Variants in PRRC2C observed in about 807,000 individuals in gnomAD.
The protein encoded by PRRC2C is protein PRRC2C.
In PRRC2C, 72 loss-of-function variants were observed where a neutral mutation model predicts 317.2. The ratio of observed to expected loss-of-function variants is 0.23; its 90% CI spans 0.19 to 0.28. The LOEUF (loss-of-function observed/expected upper bound fraction) is 0.28, where lower values mean the gene tolerates loss of function less well. Among genes scored for constraint, PRRC2C ranks in the 10% least tolerant of loss-of-function variants. The pLI is 1.00. For missense variants in PRRC2C, 3,074 were observed against 3,459.7 expected (o/e 0.89, Z 2.80); for synonymous variants, 1,296 against 1,205.9 (o/e 1.07, Z -1.55).
intron 20 of PRRC2C, among the ~76,000 whole-genome samples, chr1:171,562,942 C>T (rs571540213): frequency 6.6e-6 from 1 of 152,140 alleles, no homozygotes; most frequent in African/African-American, 2.4e-5. Flanking sequence ...ATTAGAGAAG[C>T]TAAGTGATTA....
At position 171,541,900 on chromosome 1, in the gene PRRC2C, C is replaced by T. The variant is rs1687064; in HGVS notation, c.4434C>T (p.Ser1478=). 7 of 1,613,672 alleles carry T rather than the reference C, an allele frequency of 4.3e-6. No homozygotes were observed. Among genetic ancestry groups the T allele is most frequent in the Non-Finnish European group, 5.9e-6 (7 of 1,179,856 alleles). The change falls in exon 16 of 35, where the codon TCC becomes TCT. Residue 1478 remains serine (S), a synonymous_variant. Transcript: ENST00000647382. This position sits in a 1 kb window ranked among gnomAD's most constrained non-coding sequence, Gnocchi z 4.1. ...QEPVNTLGDI[S]GNKTPDLSNQ... is the part of the protein sequence containing the mutation. ...CAGTTAATACTCTTGGGGATATTTC[C>T]GGGAATAAGACACCAGATTTATCTA...
At position 171,586,962 on chromosome 1, in the gene PRRC2C, CAG is replaced by C. The variant is rs781385422; in HGVS notation, c.7750-39_7750-38del. On this transcript the variant is annotated intron_variant, in intron 30 of 34. Transcript: ENST00000647382. ...GTTGTATGGATATGTCTGTAGTAAA[CAG>C]AAACAAATTGCTTCAGTTTCTCTTT... 11 of 1,423,516 alleles carry C rather than the reference CAG, an allele frequency of 7.7e-6. No individual in the cohort carries two copies. The Middle Eastern group carries it at 6.9e-4, about 90-fold the overall frequency. 88.2% of individuals were successfully genotyped at this position (1,423,516 alleles called of 1,614,324 possible). A position where few individuals can be genotyped will look rare whatever the true frequency, so the allele number is the denominator to read the frequency against.
rs778248777 is a variant in PRRC2C, at chr1:171,566,293, G to C, written c.6178G>C (p.Ala2060Pro). The C allele has an allele frequency of 5.0e-6, 8 of 1,610,734 alleles. No individual in the cohort carries two copies. Among genetic ancestry groups the C allele is most frequent in the Non-Finnish European group, 5.9e-6 (7 of 1,178,548 alleles). Residue 2060 changes from alanine to proline, a missense_variant, in exon 21 of 35, where the codon GCT (alanine) becomes CCT (proline). Ala to Pro is a conservative substitution (Grantham distance 27). Around this residue, in one of 11 missense-constraint regions of PRRC2C, gnomAD observed 640 missense variants for 676.1 expected, o/e 0.95. Transcript: ENST00000647382. ...TGGAACTGACACAATTCAGTTTGGTGCTCCAGCCTCAAATGGAAATGAAAA... is the reference window on the plus strand; with the variant it reads ...TGGAACTGACACAATTCAGTTTGGTCCTCCAGCCTCAAATGGAAATGAAAA... Reference protein sequence around the residue: ...EIGTDTIQFGAPASNGNENEV... With the variant: ...EIGTDTIQFGPPASNGNENEV...
chr1:171,591,783 C>T lies in PRRC2C; in HGVS notation c.8633C>T (p.Thr2878Ile). 6.2e-7 allele frequency: 1 copy of T among 1,610,444 alleles called. No individual in the cohort carries two copies. The highest frequency in any genetic ancestry group is 8.5e-7 in the Non-Finnish European group (1 of 1,178,710). Residue 2878 changes from threonine to isoleucine, a missense_variant, in exon 35 of 35, where the codon ACC becomes ATC. Physicochemically the swap from Thr to Ile is moderately conservative, Grantham distance 89. Around this residue, in one of 11 missense-constraint regions of PRRC2C, gnomAD observed 78 missense variants for 97.7 expected, o/e 0.80. Transcript: ENST00000647382. ...CCACCCCCTGCACCCTCCATAGCCA[C>T]CAAACCTGTTAGAACTGGACCAATC... is the stretch of plus-strand genomic sequence containing the variant. ...EKPPPAPSIA[T>I]KPVRTGPIKP...
chr1:171,489,032 A>G (rs1051102065), intron 1 of PRRC2C, among the ~76,000 whole-genome samples: 1 of 152,076 alleles, frequency 6.6e-6, no homozygotes, highest in Non-Finnish European at 1.5e-5. Flanking sequence ...TCTGTGTTCT[A>G]ATACTAGTTT....
intron 1 of PRRC2C, among the ~76,000 whole-genome samples, chr1:171,488,669 C>T (rs1311621417): frequency 6.6e-6 from 1 of 152,152 alleles, no homozygotes; most frequent in Non-Finnish European, 1.5e-5. Flanking sequence ...TCCAGATTAT[C>T]AGAAAGCATG....
intron 22 of PRRC2C, 110 bp from the exon 23 acceptor site, chr1:171,568,137 A>G: frequency 8.0e-6 from 11 of 1,376,324 alleles, no homozygotes; most frequent in Non-Finnish European, 9.5e-6. Context: ...GTGAGCTGAG[A>G]TCATGCCACT....
intron 14 of PRRC2C, among the ~76,000 whole-genome samples, chr1:171,536,613 A>ATG (rs1404918745): frequency 3.3e-5 from 5 of 152,194 alleles, no homozygotes; most frequent in Non-Finnish European, 7.4e-5. Flanking sequence ...TGTTATATAT[A>ATG]TTCCTTTTCA....
intron 23 of PRRC2C, among the ~76,000 whole-genome samples, chr1:171,568,590 G>C (rs541617963): frequency 7.6e-4 from 115 of 152,246 alleles, no homozygotes; most frequent in Non-Finnish European, 1.3e-3. Context: ...GCTTGGTTTC[G>C]TGTAAATACT....
intron 20 of PRRC2C, among the ~76,000 whole-genome samples, chr1:171,565,527 A>G (rs796177334): frequency 5.3e-5 from 8 of 152,288 alleles, no homozygotes; most frequent in African/African-American, 1.9e-4. Flanking sequence ...GGCTCACTGC[A>G]ACGTCCACCT....
At chr1:171,487,115 TC>T (rs1350688044) in intron 1 of PRRC2C, among the ~76,000 whole-genome samples, 1 of 152,232 alleles carries the variant, frequency 6.6e-6, no homozygotes, top group Non-Finnish European at 1.5e-5. Flanking sequence ...GTGTGGCTGT[TC>T]TCCATTAGGT....
rs147425329 is a variant in PRRC2C, at chr1:171,500,344, A to G, written c.-57-11688A>G. 5.2e-3 allele frequency among the ~76,000 whole-genome samples: 790 copies of G among 152,326 alleles called. 3 individuals are homozygous for G. The highest frequency in any genetic ancestry group is 8.8e-3 in the Non-Finnish European group (599 of 68,016). On this transcript the variant is annotated intron_variant, in intron 1 of 34. Transcript: ENST00000647382. Reference sequence around the variant, plus strand: ...TGAGAGACCATAGCTAATCTCTTTAACAAATGTGGAAACCACTTAGACTTT... The same window carrying G: ...TGAGAGACCATAGCTAATCTCTTTAGCAAATGTGGAAACCACTTAGACTTT...
intron 1 of PRRC2C, among the ~76,000 whole-genome samples, chr1:171,503,194 T>C (rs971782911): frequency 6.6e-6 from 1 of 152,160 alleles, no homozygotes; most frequent in African/African-American, 2.4e-5. Context: ...AGGAGGCTTA[T>C]TGATAATGAT....
chr1:171,561,919 T>G (rs924156077), intron 20 of PRRC2C, among the ~76,000 whole-genome samples: 2 of 152,166 alleles, frequency 1.3e-5, no homozygotes, highest in African/African-American at 2.4e-5. Flanking sequence ...TGTTCTAACC[T>G]GCGGGCTTAC....
intron 14 of PRRC2C, among the ~76,000 whole-genome samples, chr1:171,536,680 G>GA (rs992463895): frequency 6.6e-6 from 1 of 151,966 alleles, no homozygotes; most frequent in African/African-American, 2.4e-5. Flanking sequence ...AGGTTAGGGG[G>GA]AAAAAAAGTG....
At chr1:171,517,047 C>T (rs1187208444) in intron 5 of PRRC2C, among the ~76,000 whole-genome samples, 1 of 152,176 alleles carries the variant, frequency 6.6e-6, no homozygotes, top group African/African-American at 2.4e-5. Context: ...TTGGGCTATC[C>T]AGGAGACTGG....
intron 25 of PRRC2C, among the ~76,000 whole-genome samples, chr1:171,576,943 GGA>G (rs1339856137): frequency 6.6e-6 from 1 of 152,150 alleles, no homozygotes. Context: ...AGTTTTTGCA[GGA>G]GAGAGAAATC....
At chr1:171,517,148 T>TG (rs746385375) in intron 5 of PRRC2C, among the ~76,000 whole-genome samples, 14 of 152,202 alleles carry the variant, frequency 9.2e-5, no homozygotes, top group African/African-American at 2.7e-4. Context: ...TCTGTTCACT[T>TG]GGGGGCATCT....
chr1:171,527,759 TA>T, intron 10 of PRRC2C, 31 bp from the exon 11 acceptor site: 1 of 1,532,996 alleles, frequency 6.5e-7, no homozygotes, highest in Non-Finnish European at 8.9e-7. Flanking sequence ...GTCTCCAAAA[TA>T]ATAAGAATAA....
Sources: gnomAD v4.1 joint callset for allele counts (sites outside exome capture counted in the v4.1 genomes callset) on GRCh38, gnomAD v4.1.1 for gene constraint, gnomAD v4.1.1 regional missense constraint, Gnocchi (gnomAD v3.1) non-coding constraint, MANE v1.5 for transcripts, NCBI Gene and HGNC (gene_info 2026-07-23, HGNC 2026-07-21) for gene names.